Variants in ATL1 observed in about 807,000 individuals in gnomAD.
ATL1 encodes the protein atlastin-1.
Under a neutral mutation model 75.5 loss-of-function variants are expected in ATL1, and 31 were observed. The ratio of observed to expected loss-of-function variants is 0.41; its 90% confidence interval spans 0.31 to 0.55. The LOEUF is 0.55. Among genes scored for constraint, ATL1 ranks in the 20% least tolerant of loss-of-function variants. ATL1 has a pLI of 0.27. For missense variants in ATL1, 405 were observed against 662.6 expected (o/e 0.61, Z 4.27); for synonymous variants, 226 against 233.3 (o/e 0.97, Z 0.28).
chr14:50,597,984 C>T (rs564967627), intron 6 of ATL1, among the ~76,000 whole-genome samples: 3 of 152,066 alleles, frequency 2.0e-5, no homozygotes, highest in South Asian at 2.1e-4. Flanking sequence ...CGTGAGCCAC[C>T]GCACCCGGCC....
chr14:50,620,512 T>C, intron 8 of ATL1, 87 bp from the exon 9 acceptor site: 2 of 1,395,332 alleles, frequency 1.4e-6, no homozygotes, highest in South Asian at 1.2e-5. Flanking sequence ...GGGGAGGAAA[T>C]GGGGGAGATC....
intron 6 of ATL1, among the ~76,000 whole-genome samples, chr14:50,609,840 C>G (rs1326695024): frequency 6.6e-6 from 1 of 151,870 alleles, no homozygotes; most frequent in African/African-American, 2.4e-5. Context: ...ACTTGGAACA[C>G]CTTTGGGGGA....
At chr14:50,624,723 ATTAG>A (rs1178817619) in intron 11 of ATL1, among the ~76,000 whole-genome samples, 1 of 152,060 alleles carries the variant, frequency 6.6e-6, no homozygotes, top group African/African-American at 2.4e-5. Context: ...CTTTGCACCA[ATTAG>A]TTAGCCAGGC....
At chr14:50,574,301 T>C (rs959899855) in intron 1 of ATL1, among the ~76,000 whole-genome samples, 5 of 152,220 alleles carry the variant, frequency 3.3e-5, no homozygotes, top group African/African-American at 1.2e-4. Context: ...AAGGCAATAA[T>C]GGCTTTTCCT....
chr14:50,533,332 C>T (rs1238585553), exon 1 of ATL1: 1 of 152,094 alleles, frequency 6.6e-6, no homozygotes, highest in Non-Finnish European at 1.5e-5. Flanking sequence ...GCATATTTGG[C>T]AACATCTCGG....
At chr14:50,548,579 G>A (rs1191826040) in intron 1 of ATL1, among the ~76,000 whole-genome samples, 2 of 152,032 alleles carry the variant, frequency 1.3e-5, no homozygotes, top group Admixed American at 6.5e-5. Context: ...GCGTGATCTC[G>A]GGTCACTGCA....
intron 1 of ATL1, among the ~76,000 whole-genome samples, chr14:50,568,053 TTTTG>T (rs1236021357): frequency 3.3e-5 from 5 of 152,178 alleles, no homozygotes; most frequent in Non-Finnish European, 7.3e-5. Context: ...TTTATTTCCT[TTTTG>T]TTTGTTTGTT....
chr14:50,603,074 G>T lies in ATL1; in HGVS notation c.630+7442G>T, dbSNP rs140563544. On this transcript the variant is annotated intron_variant, in intron 6 of 13. Transcript: ENST00000358385. ...CTATGTACATTTCTGTGTACAGATA[G>T]TTAGTAGATTAAGGTTGGCCTGTAA... Among the ~76,000 whole-genome samples the T allele has an allele frequency of 3.5e-4, 54 of 152,244 alleles. No homozygotes were observed. The East Asian group carries it at 9.8e-3, about 28-fold the overall frequency.
chr14:50,613,361 A>G lies in ATL1; in HGVS notation c.723+10A>G, dbSNP rs759370589. ...GGAAAAACGCCTCAAGGTTTGTTAG[A>G]TATTTAGGTGCATGAAATTTCACTA... On this transcript the variant is annotated intron_variant, in intron 7 of 13. Transcript: ENST00000358385. 1.3e-6 allele frequency: 2 copies of G among 1,598,340 alleles called. No homozygotes were observed. The highest frequency in any genetic ancestry group is 4.5e-5 in the East Asian group (2 of 44,760).
In ATL1 at chr14:50,623,134, A is replaced by G. The variant is rs1479871744; in HGVS notation, c.1048-43A>G. On this transcript the variant is annotated intron_variant, in intron 10 of 13. Coordinates refer to ENST00000358385, the MANE Select transcript of ATL1 (RefSeq NM_015915.5). ...TGAACTGCCTGTGGAAGTTTAATCA[A>G]TATGAACTGCATTTTACATCATATT... is the stretch of plus-strand genomic sequence containing the variant. 4 of 1,563,356 alleles carry G rather than the reference A, an allele frequency of 2.6e-6. No homozygotes were observed. In the South Asian group the frequency reaches 4.5e-5, roughly 18 times the overall value.
At chr14:50,592,957 T>C (rs1048346451) in intron 4 of ATL1, among the ~76,000 whole-genome samples, 1 of 135,136 alleles carries the variant, frequency 7.4e-6, no homozygotes, top group African/African-American at 3.3e-5. Flanking sequence ...TGTGTGTGTG[T>C]GTGTGTGTAA....
Position 50,587,948 on chromosome 14 carries a change from C to T in ATL1, c.152C>T (p.Thr51Ile). 1 of 1,614,090 alleles carries T rather than the reference C, an allele frequency of 6.2e-7. No homozygotes were observed. Among genetic ancestry groups the T allele is most frequent in the Non-Finnish European group, 8.5e-7 (1 of 1,180,010 alleles). Residue 51 changes from threonine to isoleucine, a missense_variant, in exon 2 of 14, where the codon ACT becomes ATT. Physicochemically the swap from Thr to Ile is moderately conservative, Grantham distance 89. Around this residue, in one of 5 missense-constraint regions of ATL1, gnomAD observed 126 missense variants for 172.0 expected, o/e 0.73. Transcript: ENST00000358385. ...KDDHSFELDE[T>I]ALNRILLSEA... ...GACCATTCCTTTGAGTTAGATGAAA[C>T]TGCATTAAATCGGATCCTTCTCTCG...
chr14:50,614,150 G>A (rs1029957786), intron 7 of ATL1, among the ~76,000 whole-genome samples: 4 of 152,138 alleles, frequency 2.6e-5, no homozygotes, highest in Non-Finnish European at 5.9e-5. Flanking sequence ...TAGCATAAGG[G>A]TAGACACTTG....
In ATL1 at chr14:50,625,896, C is replaced by T. The variant is rs1312888208; in HGVS notation, c.1120-2135C>T. On this transcript the variant is annotated intron_variant, in intron 11 of 13. Coordinates refer to ENST00000358385, the MANE Select transcript of ATL1 (RefSeq NM_015915.5). ...CCAGCCTGGGTGACAGAGTGAGACC[C>T]GTCTCAAAAAAAAAAAAGAAAAAAA... 3.8e-5 allele frequency among the ~76,000 whole-genome samples: 5 copies of T among 129,874 alleles called. No homozygotes were observed. In the South Asian group the frequency reaches 1.1e-3, roughly 29 times the overall value. The allele number at this position is 129,874 out of a possible 152,430, so 85.2% of individuals were successfully genotyped here.
chr14:50,544,970 A>G (rs1414660099), intron 1 of ATL1, among the ~76,000 whole-genome samples: 1 of 150,184 alleles, frequency 6.7e-6, no homozygotes, highest in Non-Finnish European at 1.5e-5. Context: ...AAAGAAGCCA[A>G]CTATAATGTA....
At chr14:50,553,707 C>G (rs554196601) in intron 1 of ATL1, among the ~76,000 whole-genome samples, 44 of 152,278 alleles carry the variant, frequency 2.9e-4, no homozygotes, top group Middle Eastern at 3.4e-3. Context: ...AAGCTAAATG[C>G]CCATCAACCA....
chr14:50,627,981 G>A lies in ATL1; in HGVS notation c.1120-50G>A, dbSNP rs377133255. 11 of 1,593,334 alleles carry A rather than the reference G, an allele frequency of 6.9e-6. No homozygotes were observed. The African/African-American group carries it at 1.5e-4, about 21-fold the overall frequency. On this transcript the variant is annotated intron_variant, in intron 11 of 13. Coordinates refer to ENST00000358385, the MANE Select transcript of ATL1 (RefSeq NM_015915.5). ...CTAAGTGAAAAATTTTGATACAGTT[G>A]CCAATTTTACTCTGCATTGCATAAA...
chr14:50,574,908 AGTGTGTGT>A (rs35304376), intron 1 of ATL1, among the ~76,000 whole-genome samples: 55 of 52,278 alleles, frequency 1.1e-3, no homozygotes, highest in South Asian at 4.6e-3. Context: ...TTCAATACTG[AGTGTGTGT>A]GTGTGTGTGT....
chr14:50,549,455 G>A (rs1566708985), intron 1 of ATL1, among the ~76,000 whole-genome samples: 2 of 152,102 alleles, frequency 1.3e-5, no homozygotes, highest in African/African-American at 4.8e-5. Flanking sequence ...AACCTCCACA[G>A]GACTGACAAG....
Sources: gnomAD v4.1 joint callset for allele counts (sites outside exome capture counted in the v4.1 genomes callset) on GRCh38, gnomAD v4.1.1 for gene constraint, gnomAD v4.1.1 regional missense constraint, MANE v1.5 for transcripts, NCBI Gene and HGNC (gene_info 2026-07-23, HGNC 2026-07-21) for gene names.